Variants in SRGAP1 observed in about 807,000 individuals in gnomAD.
SRGAP1 encodes SLIT-ROBO Rho GTPase-activating protein 1.
SRGAP1 carries 43 observed loss-of-function variants against 121.9 expected under a neutral mutation model. The ratio of observed to expected loss-of-function variants is 0.35; its 90% confidence interval spans 0.28 to 0.46. SRGAP1 has a LOEUF of 0.46. Among genes scored for constraint, SRGAP1 ranks in the 20% least tolerant of loss-of-function variants. The pLI, the probability that SRGAP1 is intolerant of heterozygous loss-of-function variation, is 1.00. For missense variants in SRGAP1, 1,102 were observed against 1,350.9 expected, an observed-to-expected ratio of 0.82 and a Z score of 2.89; for synonymous variants, 447 against 485.4, an observed-to-expected ratio of 0.92 and a Z score of 1.04.
In SRGAP1 at chr12:64,144,199, ATCTAT is replaced by A. The variant is rs1165607371; in HGVS notation, c.*1533_*1537del. 1.5e-5 allele frequency: 2 copies of A among 136,816 alleles called. No homozygotes were observed. Among genetic ancestry groups the A allele is most frequent in the South Asian group, 2.4e-4 (1 of 4,220 alleles). The allele number at this position is 136,816 out of a possible 1,614,324, so 8.5% of individuals were successfully genotyped here. A position where few individuals can be genotyped will look rare whatever the true frequency, so the allele number is the denominator to read the frequency against. ...TCACCTGTAGACCTATGAGCATTTT[ATCTAT>A]TCTATCATTGAAGTTACTGATAAAG... On this transcript the variant is annotated 3_prime_UTR_variant, in exon 22 of 22. Coordinates refer to ENST00000355086, the MANE Select transcript of SRGAP1 (RefSeq NM_020762.4).
At chr12:63,858,319 T>C (rs1186027511) in intron 1 of SRGAP1, among the ~76,000 whole-genome samples, 1 of 151,906 alleles carries the variant, frequency 6.6e-6, no homozygotes. Flanking sequence ...TGTCGCTGTC[T>C]ATGTTTTTTT....
intron 1 of SRGAP1, among the ~76,000 whole-genome samples, chr12:63,866,723 C>CT (rs890471020): frequency 9.6e-5 from 14 of 145,504 alleles, no homozygotes; most frequent in African/African-American, 1.3e-4. Context: ...TTAATATAGA[C>CT]TTTTTTTTTT....
At position 64,150,714 on chromosome 12, in the gene SRGAP1, G is replaced by GACCA; in HGVS notation, c.*8043_*8044insCCAA. Reference sequence around the variant, plus strand: ...GCACTTTGAGAGGCCAAGGCAGGAGGATCAAAAAATGCGAATTTTTATATT... The same window carrying GACCA: ...GCACTTTGAGAGGCCAAGGCAGGAGGACCAATCAAAAAATGCGAATTTTTATATT... On this transcript the variant is annotated 3_prime_UTR_variant, in exon 22 of 22. Transcript: ENST00000355086. 4.1e-5 allele frequency: 2 copies of GACCA among 48,734 alleles called. No individual in the cohort carries two copies. The highest frequency in any genetic ancestry group is 1.4e-4 in the Non-Finnish European group (2 of 14,762). 3.0% of individuals were successfully genotyped at this position (48,734 alleles called of 1,614,324 possible). A position where few individuals can be genotyped will look rare whatever the true frequency, so the allele number is the denominator to read the frequency against.
chr12:63,852,070 C>T (rs1191804284), intron 1 of SRGAP1, among the ~76,000 whole-genome samples: 1 of 152,200 alleles, frequency 6.6e-6, no homozygotes, highest in African/African-American at 2.4e-5. Flanking sequence ...CAGCTCACTG[C>T]AGCCTCAACC....
intron 1 of SRGAP1, among the ~76,000 whole-genome samples, chr12:63,941,408 G>A (rs953232973): frequency 2.0e-5 from 3 of 152,112 alleles, no homozygotes; most frequent in Non-Finnish European, 2.9e-5. Flanking sequence ...CAGGTCCATT[G>A]AATTTGACAT....
At position 64,127,665 on chromosome 12, in the gene SRGAP1, G is replaced by A. The variant is rs1237439862; in HGVS notation, c.2481G>A (p.Lys827=). ...GCAGTGGGCCAGTCACGGAAGACAA[G>A]TCCTCATCCAAGGACATGAACTCCC... is the stretch of plus-strand genomic sequence containing the variant. ...EASSGPVTED[K]SSSKDMNSPT... Residue 827 remains lysine, a synonymous_variant, in exon 20 of 22, where the codon AAG becomes AAA. Transcript: ENST00000355086. 5 of 1,614,070 alleles carry A rather than the reference G, an allele frequency of 3.1e-6. No homozygotes were observed. The East Asian group carries it at 1.1e-4, about 36-fold the overall frequency.
rs557035044 is a variant in SRGAP1 at position 64,043,081 on chromosome 12, T to A, written c.672+109T>A. 15 of 779,170 alleles carry A rather than the reference T, an allele frequency of 1.9e-5. No individual in the cohort carries two copies. The East Asian group carries it at 3.5e-4, about 18-fold the overall frequency. 48.3% of individuals were successfully genotyped at this position (779,170 alleles called of 1,614,324 possible). On this transcript the variant is annotated intron_variant, in intron 5 of 21. Coordinates refer to ENST00000355086, the MANE Select transcript of SRGAP1 (RefSeq NM_020762.4). ...CATTGTAAGTTATTGTGAAAAGACA[T>A]GCATTTCCTCCCATGGGAATGAGAA...
rs1366044276 is a variant in SRGAP1 at position 64,149,762 on chromosome 12, G to C, written c.*7090G>C. The C allele has an allele frequency of 3.3e-5, 5 of 152,076 alleles. No individual in the cohort carries two copies. The highest frequency in any genetic ancestry group is 5.9e-5 in the Non-Finnish European group (4 of 68,032). 9.4% of individuals were successfully genotyped at this position (152,076 alleles called of 1,614,324 possible). On this transcript the variant is annotated 3_prime_UTR_variant, in exon 22 of 22. Coordinates refer to ENST00000355086, the MANE Select transcript of SRGAP1 (RefSeq NM_020762.4). ...CAAGTTTGACCTAGAATGTCAAAAA[G>C]GTCCTAAAAGCACAGAATGATGGTA... is the stretch of plus-strand genomic sequence containing the variant.
intron 1 of SRGAP1, among the ~76,000 whole-genome samples, chr12:63,848,222 T>A (rs1362638924): frequency 6.6e-6 from 1 of 151,918 alleles, no homozygotes; most frequent in Non-Finnish European, 1.5e-5. Flanking sequence ...GCCAGGCTGG[T>A]CTCGAACTCC....
chr12:63,874,980 A>ATCATAGTTCACTGCAGCC (rs1899984152), intron 1 of SRGAP1, among the ~76,000 whole-genome samples: 1 of 152,114 alleles, frequency 6.6e-6, no homozygotes, highest in Non-Finnish European at 1.5e-5. Context: ...CAGTTGCATG[A>ATCATAGTTCACTGCAGCC]TCATAGTTCA....
At chr12:63,897,947 A>G (rs1322460942) in intron 1 of SRGAP1, among the ~76,000 whole-genome samples, 1 of 152,190 alleles carries the variant, frequency 6.6e-6, no homozygotes, top group Non-Finnish European at 1.5e-5. Context: ...AGCTGAATCT[A>G]TTTCAAACAC....
At chr12:63,911,102 A>G (rs1023509402) in intron 1 of SRGAP1, among the ~76,000 whole-genome samples, 1 of 152,134 alleles carries the variant, frequency 6.6e-6, no homozygotes, top group Non-Finnish European at 1.5e-5. Context: ...GATCGAGATC[A>G]TCCTGGCTAA....
intron 1 of SRGAP1, among the ~76,000 whole-genome samples, chr12:63,960,208 A>G (rs1463954438): frequency 6.6e-6 from 1 of 152,156 alleles, no homozygotes; most frequent in Non-Finnish European, 1.5e-5. Flanking sequence ...CTAAATCACC[A>G]ACTGGAATTC....
chr12:63,982,516 T>G (rs1024608241), intron 1 of SRGAP1: 1 of 152,230 alleles, frequency 6.6e-6, no homozygotes, highest in South Asian at 2.1e-4. Context: ...TTCATGGACT[T>G]GCTGTGAACT....
intron 1 of SRGAP1, among the ~76,000 whole-genome samples, chr12:63,899,215 C>A (rs1284369484): frequency 2.0e-5 from 3 of 151,930 alleles, no homozygotes; most frequent in Admixed American, 1.3e-4. Flanking sequence ...AACCTTGTCT[C>A]TACAAAAAAT....
chr12:64,058,093 A>G (rs2035376488), intron 6 of SRGAP1, among the ~76,000 whole-genome samples: 1 of 152,194 alleles, frequency 6.6e-6, no homozygotes. Flanking sequence ...CTAACATTAC[A>G]CATTATACTC....
chr12:63,938,137 C>T (rs2031731852), intron 1 of SRGAP1, among the ~76,000 whole-genome samples: 1 of 152,160 alleles, frequency 6.6e-6, no homozygotes, highest in African/African-American at 2.4e-5. Context: ...AGAAAGGGCC[C>T]AGGGCAAGGG....
chr12:64,134,993 T>C (rs1454823003), intron 21 of SRGAP1, among the ~76,000 whole-genome samples: 1 of 152,084 alleles, frequency 6.6e-6, no homozygotes, highest in East Asian at 1.9e-4. Context: ...GTCAACATTA[T>C]CTTGCCTGGC....
intron 12 of SRGAP1, among the ~76,000 whole-genome samples, chr12:64,093,396 AT>A: frequency 6.6e-6 from 1 of 152,232 alleles, no homozygotes; most frequent in African/African-American, 2.4e-5. Context: ...AACCGAAGAC[AT>A]TTTTTATTGA....
Sources: allele counts gnomAD v4.1 joint callset (sites outside exome capture counted in the v4.1 genomes callset), GRCh38; gene constraint gnomAD v4.1.1; transcripts MANE v1.5; gene names NCBI Gene and HGNC (gene_info 2026-07-23, HGNC 2026-07-21).